The following PCDHGA1 variants were observed in gnomAD, a reference collection of about 807,000 sequenced individuals.
The protein encoded by PCDHGA1 is protocadherin gamma-A1.
Under a neutral mutation model 58.0 loss-of-function variants are expected in PCDHGA1, and 32 were observed. The ratio of observed to expected loss-of-function variants is 0.55; its 90% CI spans 0.42 to 0.74. The LOEUF is 0.74. PCDHGA1 is among the 30% of genes least tolerant of loss of function. The probability of loss-of-function intolerance (pLI) is 0.00; values close to 1 mark genes in which losing one functional copy is unlikely to be tolerated. For synonymous variants in PCDHGA1, 498 were observed against 501.1 expected (o/e 0.99, Z 0.08); for missense variants, 1,205 against 1,182.3 (o/e 1.02, Z -0.28).
intron 1 of PCDHGA1, among the ~76,000 whole-genome samples, chr5:141,387,411 G>A (rs2090933954): frequency 1.3e-5 from 2 of 152,196 alleles, no homozygotes; most frequent in Admixed American, 6.5e-5. Flanking sequence ...ATTGGGGAAA[G>A]CTTATGTCAA....
At chr5:141,407,240 C>T (rs1011878099) in intron 1 of PCDHGA1, among the ~76,000 whole-genome samples, 3 of 152,158 alleles carry the variant, frequency 2.0e-5, no homozygotes, top group African/African-American at 7.2e-5. Context: ...ATAAAGCATA[C>T]TTCAGGCTCA....
chr5:141,390,300 T>C, intron 1 of PCDHGA1: 2 of 1,613,822 alleles, frequency 1.2e-6, no homozygotes, highest in Non-Finnish European at 1.7e-6. Flanking sequence ...CCTTTAAGTA[T>C]AATTTAATGC....
intron 1 of PCDHGA1, chr5:141,415,762 T>TTTTG: frequency 2.1e-6 from 3 of 1,399,986 alleles, no homozygotes; most frequent in Non-Finnish European, 2.8e-6. Flanking sequence ...TTTTTTTTTT[T>TTTTG]TTTTTTTTTT....
intron 1 of PCDHGA1, chr5:141,399,640 G>A: frequency 6.2e-7 from 1 of 1,613,836 alleles, no homozygotes; most frequent in Non-Finnish European, 8.5e-7. Flanking sequence ...GTCCATGAGC[G>A]CGCAAAGTGG....
intron 1 of PCDHGA1, chr5:141,402,809 C>A: frequency 4.9e-6 from 6 of 1,214,046 alleles, no homozygotes; most frequent in Non-Finnish European, 6.6e-6. Flanking sequence ...CCGGCAGATA[C>A]CACAAACCTG....
In PCDHGA1 at chr5:141,332,383, C is replaced by G; in HGVS notation, c.1699C>G (p.Leu567Val). 6.2e-7 allele frequency: 1 copy of G among 1,614,228 alleles called. No individual in the cohort carries two copies. Among genetic ancestry groups the G allele is most frequent in the South Asian group, 1.1e-5 (1 of 91,086 alleles). ...DNAPEILYPALPTDGSTGVEL... is the reference protein window; with the variant it reads ...DNAPEILYPAVPTDGSTGVEL... Reference sequence around the variant, plus strand: ...CGCGCCCGAGATCCTGTACCCCGCCCTCCCCACAGATGGTTCTACCGGCGT... The same window carrying G: ...CGCGCCCGAGATCCTGTACCCCGCCGTCCCCACAGATGGTTCTACCGGCGT... Residue 567 changes from leucine to valine, a missense_variant, in exon 1 of 4, where the codon CTC (leucine) becomes GTC (valine). Leu to Val is a conservative substitution (Grantham distance 32). Coordinates refer to ENST00000517417, the MANE Select transcript of PCDHGA1 (RefSeq NM_018912.3). The surrounding 1 kb of genome is among the most constrained non-coding windows in gnomAD (Gnocchi z 4.6).
At chr5:141,462,459 C>T (rs190781980) in intron 1 of PCDHGA1, among the ~76,000 whole-genome samples, 11 of 152,128 alleles carry the variant, frequency 7.2e-5, no homozygotes, top group Admixed American at 2.6e-4. Flanking sequence ...TAACTGAAAA[C>T]TGTGTATTCT....
intron 2 of PCDHGA1, among the ~76,000 whole-genome samples, chr5:141,499,301 TC>T (rs771049830): frequency 6.6e-6 from 1 of 152,166 alleles, no homozygotes; most frequent in Non-Finnish European, 1.5e-5. Context: ...CTACCATCCC[TC>T]CTCTGAGAGA....
intron 1 of PCDHGA1, chr5:141,419,785 G>A (rs1268841728): frequency 1.2e-6 from 2 of 1,613,934 alleles, no homozygotes; most frequent in Non-Finnish European, 1.7e-6. Flanking sequence ...GCCAGCGCCT[G>A]CTAGTCGCTG....
Position 141,487,548 on chromosome 5 carries a change from G to T in PCDHGA1, c.2422-7259G>T. The T allele has an allele frequency of 6.2e-7, 1 of 1,614,190 alleles. No homozygotes were observed. Among genetic ancestry groups the T allele is most frequent in the Non-Finnish European group, 8.5e-7 (1 of 1,180,038 alleles). ...AGCTTCATGATGGTGAAGTCACCCA[G>T]TGCACCTATGGCAGGGGAGCCTGTT... is the stretch of plus-strand genomic sequence containing the variant. On this transcript the variant is annotated intron_variant, in intron 1 of 3. Coordinates refer to ENST00000517417, the MANE Select transcript of PCDHGA1 (RefSeq NM_018912.3). The surrounding 1 kb of genome is among the most constrained non-coding windows in gnomAD (Gnocchi z 5.0).
At chr5:141,361,189 G>A in intron 1 of PCDHGA1, 3 of 1,613,964 alleles carry the variant, frequency 1.9e-6, no homozygotes, top group Non-Finnish European at 1.7e-6. Context: ...TGTGACTTCA[G>A]TATCTACTCC....
At chr5:141,376,051 C>T in intron 1 of PCDHGA1, 1 of 1,613,344 alleles carries the variant, frequency 6.2e-7, no homozygotes, top group South Asian at 1.1e-5. Context: ...CTCTCTCCGC[C>T]ACTGTCACGC....
intron 1 of PCDHGA1, chr5:141,366,279 G>T: frequency 6.2e-7 from 1 of 1,613,692 alleles, no homozygotes; most frequent in Non-Finnish European, 8.5e-7. Context: ...GAAGACCATG[G>T]CCAGCCCCCT....
chr5:141,345,495 A>G (rs1200879265), intron 1 of PCDHGA1: 1 of 1,614,106 alleles, frequency 6.2e-7, no homozygotes, highest in South Asian at 1.1e-5. Context: ...CGCCCGCATC[A>G]CTTATGCATT....
chr5:141,383,192 A>T, intron 1 of PCDHGA1: 1 of 1,614,092 alleles, frequency 6.2e-7, no homozygotes, highest in Non-Finnish European at 8.5e-7. Context: ...ATCTGCGCTC[A>T]GAGTGCGCGG....
rs1288071067 is a variant in PCDHGA1 at position 141,404,171 on chromosome 5, GC to G, written c.2421+71069del. ...AGAAGATTATTACAGATTGTTGACG[GC>G]CCAAATTCTTGACCGAGAAAAAGCC... On this transcript the variant is annotated intron_variant, in intron 1 of 3. Coordinates refer to ENST00000517417, the MANE Select transcript of PCDHGA1 (RefSeq NM_018912.3). 5.6e-6 allele frequency: 9 copies of G among 1,612,616 alleles called. No homozygotes were observed. The African/African-American group carries it at 9.4e-5, about 17-fold the overall frequency.
At chr5:141,409,059 A>G (rs2095217608) in intron 1 of PCDHGA1, 2 of 1,614,050 alleles carry the variant, frequency 1.2e-6, no homozygotes, top group Non-Finnish European at 1.7e-6. Context: ...AGCACTGCCC[A>G]GAGCACAAAA....
intron 1 of PCDHGA1, among the ~76,000 whole-genome samples, chr5:141,460,961 A>ATATG (rs1463306338): frequency 3.5e-5 from 5 of 144,556 alleles, no homozygotes; most frequent in African/African-American, 1.3e-4. Flanking sequence ...GTATATATAT[A>ATATG]TGTGTGTGTG....
chr5:141,345,082 C>T (rs200905776), intron 1 of PCDHGA1: 88 of 1,613,836 alleles, frequency 5.5e-5, no homozygotes, highest in Non-Finnish European at 5.6e-5. Flanking sequence ...ATTACAATCA[C>T]GTCTCTCACA....
Sources: gnomAD v4.1 joint callset for allele counts (sites outside exome capture counted in the v4.1 genomes callset) on GRCh38, gnomAD v4.1.1 for gene constraint, Gnocchi (gnomAD v3.1) non-coding constraint, MANE v1.5 for transcripts, NCBI Gene and HGNC (gene_info 2026-07-23, HGNC 2026-07-21) for gene names.